SOBP: variants seen among roughly 807,000 people sequenced by gnomAD.
SOBP encodes the protein sine oculis binding protein homolog.
A neutral mutation model predicts 53.6 loss-of-function variants in SOBP; 4 were observed. The ratio of observed to expected loss-of-function variants is 0.07; its 90% CI spans 0.04 to 0.17. SOBP has a LOEUF of 0.17. Ranked by LOEUF, SOBP falls within the 10% of genes least tolerant of loss-of-function variation. The pLI is 1.00. For synonymous variants in SOBP, 584 were observed against 522.6 expected, an observed-to-expected ratio of 1.12 and a Z score of -1.60; for missense variants, 1,088 against 1,204.7, an observed-to-expected ratio of 0.90 and a Z score of 1.43.
intron 2 of SOBP, among the ~76,000 whole-genome samples, chr6:107,504,677 A>C (rs1782932479): frequency 6.6e-6 from 1 of 152,252 alleles, no homozygotes; most frequent in Non-Finnish European, 1.5e-5. Context: ...TACCTGTTCA[A>C]ACGTTTTATT....
intron 6 of SOBP, among the ~76,000 whole-genome samples, chr6:107,644,253 G>A (rs1222694922): frequency 2.0e-5 from 3 of 152,180 alleles, no homozygotes; most frequent in South Asian, 2.1e-4. Context: ...GCAGTGAGCC[G>A]AATTCGTGCC....
intron 3 of SOBP, among the ~76,000 whole-genome samples, chr6:107,530,743 G>A (rs879702909): frequency 2.6e-5 from 4 of 152,030 alleles, no homozygotes; most frequent in African/African-American, 4.8e-5. Flanking sequence ...TGCGGGGAGC[G>A]TTGACTTATT....
At chr6:107,610,896 G>C (rs1786571622) in intron 5 of SOBP, among the ~76,000 whole-genome samples, 1 of 152,142 alleles carries the variant, frequency 6.6e-6, no homozygotes, top group African/African-American at 2.4e-5. Context: ...TGTTCCACTG[G>C]TAATTTTTAA....
chr6:107,660,227 A>T lies in SOBP; in HGVS notation c.*2024A>T, dbSNP rs954567793. ...TTTTTGTTTTATTACAGAGGTGTTC[A>T]TTTTTCTCCCCCTGGGAAACATTTT... On this transcript the variant is annotated 3_prime_UTR_variant, in exon 7 of 7. Coordinates refer to ENST00000317357, the MANE Select transcript of SOBP (RefSeq NM_018013.4). 1 of 151,952 alleles carries T rather than the reference A, an allele frequency of 6.6e-6. No individual in the cohort carries two copies. Among genetic ancestry groups the T allele is most frequent in the Admixed American group, 6.6e-5 (1 of 15,230 alleles). 9.4% of individuals were successfully genotyped at this position (151,952 alleles called of 1,614,324 possible). A position where few individuals can be genotyped will look rare whatever the true frequency, so the allele number is the denominator to read the frequency against.
At chr6:107,523,981 G>C (rs1307044232) in intron 3 of SOBP, among the ~76,000 whole-genome samples, 2 of 152,340 alleles carry the variant, frequency 1.3e-5, no homozygotes, top group East Asian at 1.9e-4. Flanking sequence ...TGAATCCTCT[G>C]TCTACCTCTG....
intron 4 of SOBP, among the ~76,000 whole-genome samples, chr6:107,571,562 A>T (rs1583224102): frequency 6.6e-6 from 1 of 152,194 alleles, no homozygotes; most frequent in East Asian, 1.9e-4. Context: ...ATTCTCATTC[A>T]TTTGGTAATT....
In SOBP at chr6:107,634,343, C is replaced by G. The variant is rs1201344074; in HGVS notation, c.1499C>G (p.Pro500Arg). ...CCAGTGAGCATGATGCCAAATGGCC[C>G]GATGCCGGTGCCCCAGATGATGAAT... ...FPPVSMMPNG[P>R]MPVPQMMNFG... The change falls in exon 6 of 7, where the codon CCG becomes CGG. Residue 500 changes from proline to arginine, a missense_variant. Pro to Arg is a moderately radical substitution (Grantham distance 103, BLOSUM62 -2). This residue lies in a region of SOBP where 665 missense variants were observed against 629.7 expected (regional missense o/e 1.06). Transcript: ENST00000317357. This position sits in a 1 kb window ranked among gnomAD's most constrained non-coding sequence, Gnocchi z 4.5. The G allele has an allele frequency of 5.7e-6, 9 of 1,588,828 alleles. No individual in the cohort carries two copies. Among genetic ancestry groups the G allele is most frequent in the Middle Eastern group, 1.7e-4 (1 of 6,060 alleles).
At chr6:107,532,273 C>A (rs200980300) in intron 3 of SOBP, among the ~76,000 whole-genome samples, 193 of 95,714 alleles carry the variant, frequency 2.0e-3, no homozygotes, top group African/African-American at 6.9e-3. Context: ...ACACACACAC[C>A]ACACACACAC....
intron 5 of SOBP, among the ~76,000 whole-genome samples, chr6:107,620,311 T>G (rs1480580548): frequency 6.6e-6 from 1 of 152,228 alleles, no homozygotes; most frequent in Non-Finnish European, 1.5e-5. Context: ...TCCCTGTGGT[T>G]TCTGCACATT....
chr6:107,491,111 C>T (rs1213118103), intron 1 of SOBP, among the ~76,000 whole-genome samples: 1 of 152,130 alleles, frequency 6.6e-6, no homozygotes, highest in Non-Finnish European at 1.5e-5. Context: ...GGCCGGGGCA[C>T]CCCGGAGAGA....
At chr6:107,557,716 G>A (rs1292594334) in intron 4 of SOBP, 1 of 152,120 alleles carries the variant, frequency 6.6e-6, no homozygotes, top group African/African-American at 2.4e-5. Flanking sequence ...CCAACACAAG[G>A]GATTTCCTGT....
chr6:107,534,635 T>G (rs1243970553), intron 4 of SOBP, among the ~76,000 whole-genome samples: 1 of 152,236 alleles, frequency 6.6e-6, no homozygotes, highest in Admixed American at 6.5e-5. Flanking sequence ...AATTATCTCC[T>G]GAAAATTTGG....
At chr6:107,581,711 C>T (rs775221071) in intron 4 of SOBP, among the ~76,000 whole-genome samples, 1 of 152,166 alleles carries the variant, frequency 6.6e-6, no homozygotes, top group Non-Finnish European at 1.5e-5. Context: ...AAATTCCATG[C>T]GTTTTCAGAG....
At chr6:107,583,728 T>G (rs1785479405) in intron 4 of SOBP, among the ~76,000 whole-genome samples, 1 of 152,100 alleles carries the variant, frequency 6.6e-6, no homozygotes, top group South Asian at 2.1e-4. Flanking sequence ...AGATGGGGTC[T>G]CCCTGTGTTG....
intron 1 of SOBP, among the ~76,000 whole-genome samples, chr6:107,494,246 A>G (rs1192240957): frequency 1.3e-5 from 2 of 152,234 alleles, no homozygotes; most frequent in African/African-American, 4.8e-5. Context: ...GATTGTGTCT[A>G]ATGTAATATG....
At chr6:107,622,944 C>T (rs1275528040) in intron 5 of SOBP, among the ~76,000 whole-genome samples, 1 of 152,168 alleles carries the variant, frequency 6.6e-6, no homozygotes, top group Non-Finnish European at 1.5e-5. Context: ...AATTCCCCCC[C>T]ATGCCCTGTG....
chr6:107,518,089 TG>T (rs1783373294), intron 3 of SOBP, among the ~76,000 whole-genome samples: 1 of 152,196 alleles, frequency 6.6e-6, no homozygotes, highest in African/African-American at 2.4e-5. Context: ...AGATGAAGTT[TG>T]TAATGCATTT....
At chr6:107,648,590 G>A (rs1771660795) in intron 6 of SOBP, among the ~76,000 whole-genome samples, 1 of 151,832 alleles carries the variant, frequency 6.6e-6, no homozygotes, top group Non-Finnish European at 1.5e-5. Context: ...AGGGTGTTAG[G>A]CCATGTATGT....
chr6:107,585,799 TA>T (rs1259939994), intron 4 of SOBP, among the ~76,000 whole-genome samples: 1 of 152,188 alleles, frequency 6.6e-6, no homozygotes, highest in African/African-American at 2.4e-5. Context: ...CAATACATTC[TA>T]AAATGTACAA....
Sources: gnomAD v4.1 joint callset for allele counts (sites outside exome capture counted in the v4.1 genomes callset) on GRCh38, gnomAD v4.1.1 for gene constraint, gnomAD v4.1.1 regional missense constraint, Gnocchi (gnomAD v3.1) non-coding constraint, MANE v1.5 for transcripts, NCBI Gene and HGNC (gene_info 2026-07-23, HGNC 2026-07-21) for gene names.